Variants in RNF150 observed in about 807,000 individuals in gnomAD.
RNF150 encodes the protein ring finger protein 150.
In RNF150, 24 loss-of-function variants were observed where a neutral mutation model predicts 39.3. The observed-to-expected ratio is 0.61, with a 90% CI of 0.44 to 0.86. The LOEUF is 0.86. RNF150 is among the 40% of genes least tolerant of loss of function. RNF150 has a pLI of 0.00. For synonymous variants in RNF150, 255 were observed against 227.3 expected (o/e 1.12, Z -1.10); for missense variants, 502 against 587.8 (o/e 0.85, Z 1.51).
chr4:140,871,132 T>C (rs1435615714), intron 6 of RNF150, among the ~76,000 whole-genome samples: 1 of 152,124 alleles, frequency 6.6e-6, no homozygotes, highest in African/African-American at 2.4e-5. Context: ...GTAAAAATTG[T>C]TTTTCTCCTT....
At chr4:141,183,867 A>G (rs1018378538) in intron 1 of RNF150, among the ~76,000 whole-genome samples, 27 of 152,218 alleles carry the variant, frequency 1.8e-4, no homozygotes, top group Middle Eastern at 6.8e-3. Context: ...AGAGTATTCC[A>G]TGGTGTATAT....
intron 1 of RNF150, among the ~76,000 whole-genome samples, chr4:140,999,075 A>G (rs1734484117): frequency 6.6e-6 from 1 of 152,158 alleles, no homozygotes; most frequent in Admixed American, 6.5e-5. Context: ...CAAAGTAGGG[A>G]AGGTGGAACA....
intron 1 of RNF150, among the ~76,000 whole-genome samples, chr4:141,189,312 C>T (rs894496641): frequency 3.9e-5 from 6 of 152,188 alleles, no homozygotes; most frequent in African/African-American, 1.2e-4. Context: ...AGCTGGAGCT[C>T]TCCTGTATGA....
intron 2 of RNF150, among the ~76,000 whole-genome samples, chr4:140,962,129 T>C: frequency 6.6e-6 from 1 of 151,408 alleles, no homozygotes; most frequent in East Asian, 1.9e-4. Flanking sequence ...CACACGTATA[T>C]ATGAATACAT....
At chr4:140,955,034 G>T (rs969779673) in intron 2 of RNF150, among the ~76,000 whole-genome samples, 4 of 152,118 alleles carry the variant, frequency 2.6e-5, no homozygotes, top group Non-Finnish European at 5.9e-5. Context: ...TAGGTGAAGG[G>T]AGGCCACTGT....
intron 5 of RNF150, among the ~76,000 whole-genome samples, chr4:140,913,613 C>T (rs1730702179): frequency 2.0e-5 from 3 of 152,154 alleles, no homozygotes. Context: ...GGCATCTTTG[C>T]TCCTGCAAGC....
In RNF150 at chr4:141,126,608, A is replaced by T. The variant is rs543604619; in HGVS notation, c.484+5717T>A. ...AGCCAGATGGTAAAAAGTGATGGAGACTTGGACCAACTGGAGGGCACATGG... is the reference window on the plus strand; with the variant it reads ...AGCCAGATGGTAAAAAGTGATGGAGTCTTGGACCAACTGGAGGGCACATGG... On this transcript the variant is annotated intron_variant, in intron 1 of 6. Transcript: ENST00000515673. 2.0e-5 allele frequency among the ~76,000 whole-genome samples: 3 copies of T among 152,206 alleles called. No homozygotes were observed. In the South Asian group the frequency reaches 6.2e-4, roughly 32 times the overall value.
chr4:141,146,404 G>A (rs902102975), intron 1 of RNF150, among the ~76,000 whole-genome samples: 26 of 152,272 alleles, frequency 1.7e-4, no homozygotes, highest in African/African-American at 5.8e-4. Context: ...ACTACGTCAT[G>A]CAAATAACTT....
chr4:140,871,508 A>C (rs1207092617), intron 6 of RNF150, among the ~76,000 whole-genome samples: 1 of 152,206 alleles, frequency 6.6e-6, no homozygotes, highest in African/African-American at 2.4e-5. Context: ...TTAAATTTCC[A>C]CTTCTTTTCT....
chr4:141,192,249 C>T (rs547288236), intron 1 of RNF150, among the ~76,000 whole-genome samples: 2 of 152,142 alleles, frequency 1.3e-5, no homozygotes, highest in African/African-American at 4.8e-5. Flanking sequence ...ATCTTAATAT[C>T]TTCTCCTCAT....
chr4:141,045,688 C>T (rs970886943), intron 1 of RNF150, among the ~76,000 whole-genome samples: 2 of 152,032 alleles, frequency 1.3e-5, no homozygotes, highest in African/African-American at 4.8e-5. Flanking sequence ...GGATTACAGG[C>T]GTCCACCACC....
At chr4:141,106,191 C>T (rs947720620) in intron 1 of RNF150, among the ~76,000 whole-genome samples, 13 of 152,222 alleles carry the variant, frequency 8.5e-5, no homozygotes, top group African/African-American at 2.9e-4. Flanking sequence ...GGTGTTCCTA[C>T]AGTACTTTGT....
rs1728566020 is a variant in RNF150 at position 140,863,358 on chromosome 4, A to C, written c.*4903T>G. On this transcript the variant is annotated 3_prime_UTR_variant, in exon 7 of 7. Coordinates refer to ENST00000515673, the MANE Select transcript of RNF150 (RefSeq NM_020724.2). ...ATGGTTGTAAGATGGGTTGCGATAC[A>C]ACTGGTGATGTGAGAAGTGAAAATG... The C allele has an allele frequency of 6.6e-6, 1 of 152,192 alleles. No homozygotes were observed. Among genetic ancestry groups the C allele is most frequent in the African/African-American group, 2.4e-5 (1 of 41,444 alleles). The allele number at this position is 152,192 out of a possible 1,614,324, so 9.4% of individuals were successfully genotyped here. A position where few individuals can be genotyped will look rare whatever the true frequency, so the allele number is the denominator to read the frequency against.
At chr4:141,154,281 T>C (rs1727347417) in intron 1 of RNF150, among the ~76,000 whole-genome samples, 1 of 152,226 alleles carries the variant, frequency 6.6e-6, no homozygotes, top group Non-Finnish European at 1.5e-5. Context: ...TCTTCCCACG[T>C]AAGTAGCCAG....
In RNF150 at chr4:141,046,949, C is replaced by T. The variant is rs12501832; in HGVS notation, c.485-79076G>A. 5.2e-3 allele frequency among the ~76,000 whole-genome samples: 796 copies of T among 152,192 alleles called. 31 individuals carry two copies. The highest frequency in any genetic ancestry group is 0.048 in the Admixed American group (727 of 15,270). Reference sequence around the variant, plus strand: ...GGCTCTAGACACTCCCTCCCCGACACACCAAAAGGAAAAAAATAAATGCTC... The same window carrying T: ...GGCTCTAGACACTCCCTCCCCGACATACCAAAAGGAAAAAAATAAATGCTC... On this transcript the variant is annotated intron_variant, in intron 1 of 6. Transcript: ENST00000515673.
Position 141,179,503 on chromosome 4 carries a change from G to A in RNF150, c.-6+33291C>T, listed in dbSNP as rs900472931. 1.6e-4 allele frequency among the ~76,000 whole-genome samples: 24 copies of A among 152,142 alleles called. 1 individual carries two copies. Among genetic ancestry groups the A allele is most frequent in the Admixed American group, 1.2e-3 (18 of 15,274 alleles). On this transcript the variant is annotated intron_variant, in intron 1 of 7. Coordinates refer to the RNF150 transcript ENST00000420921. ...CTCTCTGGTTTTGGGGCTTTGCACTGCTAGGACAGTGTCCTTTCACAACTG... is the reference window on the plus strand; with the variant it reads ...CTCTCTGGTTTTGGGGCTTTGCACTACTAGGACAGTGTCCTTTCACAACTG...
At chr4:140,988,429 G>A (rs1405292719) in intron 1 of RNF150, among the ~76,000 whole-genome samples, 1 of 152,084 alleles carries the variant, frequency 6.6e-6, no homozygotes, top group Non-Finnish European at 1.5e-5. Context: ...TGAAAAGAAC[G>A]AAATCATGTC....
In RNF150 at chr4:140,915,115, G is replaced by T. The variant is rs144257898; in HGVS notation, c.988-3761C>A. On this transcript the variant is annotated intron_variant, in intron 5 of 6. Coordinates refer to ENST00000515673, the MANE Select transcript of RNF150 (RefSeq NM_020724.2). ...CTGCCAGCCTTCAAGGCTCTGAAGG[G>T]CTGTAATTCCATAGACATTTATTGA... is the stretch of plus-strand genomic sequence containing the variant. Among the ~76,000 whole-genome samples, 333 of 152,288 alleles carry T rather than the reference G, an allele frequency of 2.2e-3. 1 individual carries two copies. Among genetic ancestry groups the T allele is most frequent in the African/African-American group, 7.3e-3 (304 of 41,556 alleles).
At chr4:141,113,337 TAAA>T (rs35017497) in intron 1 of RNF150, among the ~76,000 whole-genome samples, 56 of 139,024 alleles carry the variant, frequency 4.0e-4, no homozygotes, top group East Asian at 6.4e-4. Flanking sequence ...AATGGAAAGT[TAAA>T]AAAAAAAAAA....
Sources: gnomAD v4.1 joint callset for allele counts (sites outside exome capture counted in the v4.1 genomes callset) on GRCh38, gnomAD v4.1.1 for gene constraint, MANE v1.5 for transcripts, NCBI Gene and HGNC (gene_info 2026-07-23, HGNC 2026-07-21) for gene names.